The following ARHGAP24 variants were observed in gnomAD, a reference collection of about 807,000 sequenced individuals.
The protein encoded by ARHGAP24 is Rho GTPase activating protein 24.
ARHGAP24 carries 50 observed loss-of-function variants against 76.4 expected under a neutral mutation model. The ratio of observed to expected loss-of-function variants is 0.65; its 90% confidence interval spans 0.52 to 0.83. ARHGAP24 has a LOEUF of 0.83. ARHGAP24 is among the 40% of genes least tolerant of loss of function. The probability of loss-of-function intolerance (pLI) is 0.00; values close to 1 mark genes in which losing one functional copy is unlikely to be tolerated. For synonymous variants in ARHGAP24, 345 were observed against 323.3 expected (o/e 1.07, Z -0.72); for missense variants, 930 against 914.2 (o/e 1.02, Z -0.22).
intron 2 of ARHGAP24, among the ~76,000 whole-genome samples, chr4:85,624,774 A>G (rs982844684): frequency 2.6e-5 from 4 of 152,114 alleles, no homozygotes; most frequent in African/African-American, 9.7e-5. Flanking sequence ...CTATTCAGGG[A>G]TTCACCTTCT....
intron 3 of ARHGAP24, among the ~76,000 whole-genome samples, chr4:85,890,017 A>G (rs1016783510): frequency 6.6e-6 from 1 of 151,912 alleles, no homozygotes; most frequent in Admixed American, 6.6e-5. Context: ...TTAGGTAATG[A>G]TGTATATATA....
At chr4:85,750,912 T>G (rs949291683) in intron 3 of ARHGAP24, among the ~76,000 whole-genome samples, 8 of 152,200 alleles carry the variant, frequency 5.3e-5, no homozygotes, top group Admixed American at 4.6e-4. Flanking sequence ...TACACAGTTT[T>G]GTTGCAGGTA....
At chr4:85,610,619 G>A (rs1012902088) in intron 2 of ARHGAP24, among the ~76,000 whole-genome samples, 13 of 152,140 alleles carry the variant, frequency 8.5e-5, no homozygotes, top group Admixed American at 7.9e-4. Context: ...TCTCAAGGTG[G>A]TTTCTAGCGT....
At chr4:85,758,351 G>T (rs984615242) in intron 3 of ARHGAP24, among the ~76,000 whole-genome samples, 2 of 152,132 alleles carry the variant, frequency 1.3e-5, no homozygotes, top group Admixed American at 1.3e-4. Flanking sequence ...AGGAGAGAAG[G>T]CCTAAAGACC....
chr4:85,692,915 A>G (rs1456435208), intron 2 of ARHGAP24, among the ~76,000 whole-genome samples: 1 of 152,066 alleles, frequency 6.6e-6, no homozygotes, highest in African/African-American at 2.4e-5. Flanking sequence ...ATTCTTTCTC[A>G]CCTGGGAGGG....
chr4:85,766,530 T>A (rs11097072), intron 3 of ARHGAP24, among the ~76,000 whole-genome samples: 34,212 of 151,996 alleles, frequency 0.23, 4,096 homozygotes, highest in Admixed American at 0.29. Flanking sequence ...TCTGCATGTT[T>A]AAGCAGATTT....
At chr4:85,703,934 C>T (rs973197835) in intron 2 of ARHGAP24, among the ~76,000 whole-genome samples, 6 of 152,094 alleles carry the variant, frequency 3.9e-5, no homozygotes, top group Admixed American at 6.6e-5. Context: ...TGCAGTCATC[C>T]GCTCCCCCAC....
rs1210475882 is a variant in ARHGAP24 at position 85,475,232 on chromosome 4, C to A, written c.-348C>A. 6.6e-6 allele frequency: 1 copy of A among 152,316 alleles called. No individual in the cohort carries two copies. The highest frequency in any genetic ancestry group is 2.4e-5 in the African/African-American group (1 of 41,474). The allele number at this position is 152,316 out of a possible 1,614,324, so 9.4% of individuals were successfully genotyped here. A position where few individuals can be genotyped will look rare whatever the true frequency, so the allele number is the denominator to read the frequency against. ...AACACAGCCCAGCTCCGGGTGGAAA[C>A]CAGCAGGGCTCTGGAGGGGCTCGGA... On this transcript the variant is annotated 5_prime_UTR_variant, in exon 1 of 10. Transcript: ENST00000395184.
chr4:85,988,193 A>G (rs1456171110), intron 8 of ARHGAP24, among the ~76,000 whole-genome samples: 1 of 151,930 alleles, frequency 6.6e-6, no homozygotes, highest in Non-Finnish European at 1.5e-5. Context: ...TTGTTGTGGC[A>G]GAAGGAATAT....
intron 2 of ARHGAP24, among the ~76,000 whole-genome samples, chr4:85,676,731 G>A (rs1200816461): frequency 6.6e-6 from 1 of 152,138 alleles, no homozygotes; most frequent in Non-Finnish European, 1.5e-5. Flanking sequence ...TGTCTGAGGG[G>A]GCCAAGCAGT....
At chr4:85,938,994 T>C (rs1194739738) in intron 4 of ARHGAP24, among the ~76,000 whole-genome samples, 1 of 152,208 alleles carries the variant, frequency 6.6e-6, no homozygotes, top group East Asian at 1.9e-4. Context: ...TATTCTGTAA[T>C]AGCCACTGAG....
At chr4:85,684,320 G>T (rs1467887957) in intron 2 of ARHGAP24, among the ~76,000 whole-genome samples, 2 of 152,078 alleles carry the variant, frequency 1.3e-5, no homozygotes, top group Non-Finnish European at 2.9e-5. Context: ...ATTATGAGAT[G>T]ATATTTCATT....
intron 2 of ARHGAP24, among the ~76,000 whole-genome samples, chr4:85,711,111 C>A (rs1724510352): frequency 6.6e-6 from 1 of 152,068 alleles, no homozygotes; most frequent in South Asian, 2.1e-4. Context: ...ATGGATGGAG[C>A]TGGAGATCAT....
chr4:85,755,939 G>A (rs1242183007), intron 3 of ARHGAP24, among the ~76,000 whole-genome samples: 1 of 152,022 alleles, frequency 6.6e-6, no homozygotes, highest in Non-Finnish European at 1.5e-5. Context: ...GGCCTGGAAA[G>A]TTTCTATTCT....
At chr4:85,830,493 T>C (rs1326272340) in intron 3 of ARHGAP24, among the ~76,000 whole-genome samples, 2 of 152,320 alleles carry the variant, frequency 1.3e-5, no homozygotes, top group East Asian at 3.9e-4. Flanking sequence ...ATAGTTACAC[T>C]TCTACAAAGG....
intron 3 of ARHGAP24, among the ~76,000 whole-genome samples, chr4:85,867,103 C>A (rs1467426681): frequency 6.6e-6 from 1 of 152,048 alleles, no homozygotes; most frequent in Non-Finnish European, 1.5e-5. Flanking sequence ...GGTATTTGAA[C>A]AAATTACTTC....
chr4:85,699,821 G>A (rs1398841926), intron 2 of ARHGAP24, among the ~76,000 whole-genome samples: 1 of 152,006 alleles, frequency 6.6e-6, no homozygotes, highest in Non-Finnish European at 1.5e-5. Flanking sequence ...GATCCACTAG[G>A]ACTGAGATCT....
At chr4:85,732,867 A>ATT (rs1462165973) in intron 3 of ARHGAP24, among the ~76,000 whole-genome samples, 7 of 132,546 alleles carry the variant, frequency 5.3e-5, no homozygotes, top group South Asian at 4.9e-4. Flanking sequence ...CTAATTTTGT[A>ATT]TTTTTTTTTT....
intron 5 of ARHGAP24, among the ~76,000 whole-genome samples, chr4:85,956,523 T>G (rs1737909660): frequency 6.6e-6 from 1 of 152,192 alleles, no homozygotes; most frequent in African/African-American, 2.4e-5. Flanking sequence ...CTGGGGTTCT[T>G]GGCCTCACGG....
Sources: allele counts gnomAD v4.1 joint callset (sites outside exome capture counted in the v4.1 genomes callset), GRCh38; gene constraint gnomAD v4.1.1; transcripts MANE v1.5; gene names NCBI Gene and HGNC (gene_info 2026-07-23, HGNC 2026-07-21).